SPRR4: variants seen among roughly 807,000 people sequenced by gnomAD.
The protein encoded by SPRR4 is small proline rich protein 4, also known as small proline-rich protein 4.
For synonymous variants in SPRR4, 30 were observed against 34.3 expected (o/e 0.87, Z 0.44); for missense variants, 106 against 91.6 (o/e 1.16, Z -0.64).
At chr1:152,971,709 A>G (rs1408539822) in intron 1 of SPRR4, among the ~76,000 whole-genome samples, 162 bp from the exon 2 acceptor site, 1 of 152,096 alleles carries the variant, frequency 6.6e-6, no homozygotes, top group Non-Finnish European at 1.5e-5. Flanking sequence ...TGTCTGCATT[A>G]TCAAAGGGAG....
Position 152,972,365 on chromosome 1 carries a change from C to A in SPRR4, c.*235C>A. The A allele has an allele frequency of 1.6e-6, 1 of 633,790 alleles. No homozygotes were observed. The highest frequency in any genetic ancestry group is 2.7e-6 in the Non-Finnish European group (1 of 368,106). The allele number at this position is 633,790 out of a possible 1,614,324, so 39.3% of individuals were successfully genotyped here. ...TCTCCCAGGTGGGTGTGAGAGAGACCTCATTCTCTGCAGGCTCCAGCGTGG... is the reference window on the plus strand; with the variant it reads ...TCTCCCAGGTGGGTGTGAGAGAGACATCATTCTCTGCAGGCTCCAGCGTGG... On this transcript the variant is annotated 3_prime_UTR_variant, in exon 2 of 2. Transcript: ENST00000328051.
In SPRR4 at chr1:152,971,019, A is replaced by G. The variant is rs1047782048; in HGVS notation, c.-21+325A>G. ...CCTGTTTAAAGGTTTCTCACACCCT[A>G]TTCTGCATTTTGCTTACCAGTAAGC... is the stretch of plus-strand genomic sequence containing the variant. On this transcript the variant is annotated intron_variant, in intron 1 of 1. Coordinates refer to ENST00000328051, the MANE Select transcript of SPRR4 (RefSeq NM_173080.3). 6.6e-5 allele frequency among the ~76,000 whole-genome samples: 10 copies of G among 152,206 alleles called. No individual in the cohort carries two copies. The East Asian group carries it at 1.9e-3, about 29-fold the overall frequency.
chr1:152,971,980 C>G lies in SPRR4; in HGVS notation c.90C>G (p.Pro30=), dbSNP rs1326477256. 5 of 1,613,894 alleles carry G rather than the reference C, an allele frequency of 3.1e-6. No homozygotes were observed. Among genetic ancestry groups the G allele is most frequent in the Non-Finnish European group, 4.2e-6 (5 of 1,180,010 alleles). Residue 30 remains proline, a synonymous_variant, in exon 2 of 2, where the codon CCC becomes CCG. Transcript: ENST00000328051. ...QQQVKQPCQP[P]PVKCQETCAP... ...AAGTGAAGCAGCCTTGTCAGCCACCCCCTGTTAAATGTCAAGAGACATGTG... is the reference window on the plus strand; with the variant it reads ...AAGTGAAGCAGCCTTGTCAGCCACCGCCTGTTAAATGTCAAGAGACATGTG...
At chr1:152,970,409 TC>T (rs1279545748), upstream of SPRR4, among the ~76,000 whole-genome samples, 3 of 152,220 alleles carry the variant, frequency 2.0e-5, no homozygotes, top group African/African-American at 4.8e-5. Flanking sequence ...AGATCTTGAA[TC>T]CCTGAGTTTG....
chr1:152,970,405 T>C (rs59237147), upstream of SPRR4, among the ~76,000 whole-genome samples: 6,231 of 152,316 alleles, frequency 0.041, 381 homozygotes, highest in African/African-American at 0.14. Context: ...TAAAAGATCT[T>C]GAATCCCTGA....
At chr1:152,971,790 T>G in intron 1 of SPRR4, 81 bp from the exon 2 acceptor site, 1 of 1,532,234 alleles carries the variant, frequency 6.5e-7, no homozygotes, top group Non-Finnish European at 8.8e-7. Flanking sequence ...TGGGCTACTT[T>G]TTAACCATCT....
Position 152,972,333 on chromosome 1 carries a change from C to A in SPRR4, c.*203C>A. On this transcript the variant is annotated 3_prime_UTR_variant, in exon 2 of 2. Coordinates refer to ENST00000328051, the MANE Select transcript of SPRR4 (RefSeq NM_173080.3). ...ACCTTGGCTTCTTCTATATCCCACC[C>A]CGATGCTCTCCCAGGTGGGTGTGAG... 1.2e-6 allele frequency: 1 copy of A among 800,042 alleles called. No individual in the cohort carries two copies. Among genetic ancestry groups the A allele is most frequent in the African/African-American group, 1.8e-5 (1 of 57,036 alleles). 49.6% of individuals were successfully genotyped at this position (800,042 alleles called of 1,614,324 possible). A position where few individuals can be genotyped will look rare whatever the true frequency, so the allele number is the denominator to read the frequency against.
Position 152,971,969 on chromosome 1 carries a change from T to C in SPRR4, c.79T>C (p.Cys27Arg). ...RAQQQQVKQP[C>R]QPPPVKCQET... ...CCAGCAGCAGCAAGTGAAGCAGCCTTGTCAGCCACCCCCTGTTAAATGTCA... is the reference window on the plus strand; with the variant it reads ...CCAGCAGCAGCAAGTGAAGCAGCCTCGTCAGCCACCCCCTGTTAAATGTCA... The change falls in exon 2 of 2, where the codon TGT (cysteine) becomes CGT (arginine). Residue 27 changes from cysteine (C) to arginine (R), a missense_variant. Cys to Arg is a radical substitution (Grantham distance 180). Transcript: ENST00000328051. 1 of 1,613,986 alleles carries C rather than the reference T, an allele frequency of 6.2e-7. No homozygotes were observed. The highest frequency in any genetic ancestry group is 8.5e-7 in the Non-Finnish European group (1 of 1,179,972).
intron 1 of SPRR4, among the ~76,000 whole-genome samples, chr1:152,971,571 C>T (rs951319417): frequency 1.9e-4 from 25 of 132,358 alleles, no homozygotes; most frequent in African/African-American, 7.2e-4. Context: ...TTCTCCAGCC[C>T]GATCTCTCAC....
chr1:152,971,729 A>G, intron 1 of SPRR4, 142 bp from the exon 2 acceptor site: 1 of 1,135,488 alleles, frequency 8.8e-7, no homozygotes, highest in South Asian at 1.5e-5. Context: ...GCCAGTTGAC[A>G]TTGTCCAGAT....
At position 152,971,614 on chromosome 1, in the gene SPRR4, T is replaced by A. The variant is rs777695239; in HGVS notation, c.-20-257T>A. On this transcript the variant is annotated intron_variant, in intron 1 of 1. Coordinates refer to ENST00000328051, the MANE Select transcript of SPRR4 (RefSeq NM_173080.3). ...CACACACACACACACACACACACACTCACACACACACCATGATGCTTACCT... is the reference window on the plus strand; with the variant it reads ...CACACACACACACACACACACACACACACACACACACCATGATGCTTACCT... Among the ~76,000 whole-genome samples the A allele has an allele frequency of 8.1e-3, 972 of 120,320 alleles. 5 individuals carry two copies. Among genetic ancestry groups the A allele is most frequent in the Admixed American group, 0.014 (170 of 12,426 alleles). 78.9% of individuals were successfully genotyped at this position (120,320 alleles called of 152,430 possible). A position where few individuals can be genotyped will look rare whatever the true frequency, so the allele number is the denominator to read the frequency against.
At position 152,972,199 on chromosome 1, in the gene SPRR4, C is replaced by A; in HGVS notation, c.*69C>A. The A allele has an allele frequency of 6.3e-7, 1 of 1,591,900 alleles. No individual in the cohort carries two copies. The highest frequency in any genetic ancestry group is 8.6e-7 in the Non-Finnish European group (1 of 1,167,920). On this transcript the variant is annotated 3_prime_UTR_variant, in exon 2 of 2. Coordinates refer to ENST00000328051, the MANE Select transcript of SPRR4 (RefSeq NM_173080.3). ...ATGGAACCTTCTCTTCTTCCTTCTC[C>A]TCTTCCCTCCAGCTCTTGAGCCTAC...
At position 152,972,171 on chromosome 1, in the gene SPRR4, C is replaced by A. The variant is rs1326416387; in HGVS notation, c.*41C>A. On this transcript the variant is annotated 3_prime_UTR_variant, in exon 2 of 2. Coordinates refer to ENST00000328051, the MANE Select transcript of SPRR4 (RefSeq NM_173080.3). ...TACCATCATCCACCATCCTGGCTAC[C>A]AGATGGAACCTTCTCTTCTTCCTTC... 6.2e-7 allele frequency: 1 copy of A among 1,611,480 alleles called. No individual in the cohort carries two copies. The highest frequency in any genetic ancestry group is 8.5e-7 in the Non-Finnish European group (1 of 1,178,350).
chr1:152,972,314 GCTT>G lies in SPRR4; in HGVS notation c.*190_*192del, dbSNP rs147690642. 1,040 of 1,002,194 alleles carry G rather than the reference GCTT, an allele frequency of 1.0e-3. 10 individuals carry two copies. In the East Asian group the frequency reaches 0.026, roughly 25 times the overall value. The allele number at this position is 1,002,194 out of a possible 1,614,324, so 62.1% of individuals were successfully genotyped here. On this transcript the variant is annotated 3_prime_UTR_variant, in exon 2 of 2. Coordinates refer to ENST00000328051, the MANE Select transcript of SPRR4 (RefSeq NM_173080.3). ...ACCCTTCCCCACACATACCACCTTG[GCTT>G]CTTCTATATCCCACCCCGATGCTCT...
At chr1:152,971,688 C>G (rs1651852755) in intron 1 of SPRR4, among the ~76,000 whole-genome samples, 183 bp from the exon 2 acceptor site, 1 of 152,028 alleles carries the variant, frequency 6.6e-6, no homozygotes, top group Non-Finnish European at 1.5e-5. Context: ...TACATCCTTG[C>G]CCATTCTCAT....
chr1:152,972,429 G>C lies in SPRR4; in HGVS notation c.*299G>C, dbSNP rs1651880951. ...CCATCCATTTCCCAAAGTGAGGAAA[G>C]TGTCTGGGCTTCTTCTGGGGTTCCA... On this transcript the variant is annotated 3_prime_UTR_variant, in exon 2 of 2. Coordinates refer to ENST00000328051, the MANE Select transcript of SPRR4 (RefSeq NM_173080.3). 2.4e-6 allele frequency: 1 copy of C among 419,500 alleles called. No homozygotes were observed. Among genetic ancestry groups the C allele is most frequent in the Non-Finnish European group, 4.5e-6 (1 of 221,170 alleles). 26.0% of individuals were successfully genotyped at this position (419,500 alleles called of 1,614,324 possible). A position where few individuals can be genotyped will look rare whatever the true frequency, so the allele number is the denominator to read the frequency against.
upstream of SPRR4, among the ~76,000 whole-genome samples, chr1:152,968,807 G>A (rs1651747909): frequency 6.6e-6 from 1 of 152,232 alleles, no homozygotes; most frequent in East Asian, 1.9e-4. Context: ...GGGACATGAG[G>A]GATGGAGCTG....
rs749064175 is a variant in SPRR4, at chr1:152,972,045, A to C, written c.155A>C (p.Lys52Thr). The change falls in exon 2 of 2, where the codon AAG becomes ACG. Residue 52 changes from lysine to threonine, a missense_variant. Transcript: ENST00000328051. ...GATCCATGTGCTCCCCAGGTCAAGAAGCAATGCCCACCGAAAGGCACCATC... is the reference window on the plus strand; with the variant it reads ...GATCCATGTGCTCCCCAGGTCAAGACGCAATGCCCACCGAAAGGCACCATC... ...TKDPCAPQVK[K>T]QCPPKGTIIP... 1.2e-6 allele frequency: 2 copies of C among 1,614,054 alleles called. No individual in the cohort carries two copies. The highest frequency in any genetic ancestry group is 2.2e-5 in the South Asian group (2 of 91,044).
chr1:152,972,249 C>A lies in SPRR4; in HGVS notation c.*119C>A. 6.9e-7 allele frequency: 1 copy of A among 1,444,652 alleles called. No homozygotes were observed. Among genetic ancestry groups the A allele is most frequent in the East Asian group, 2.5e-5 (1 of 40,692 alleles). The allele number at this position is 1,444,652 out of a possible 1,614,324, so 89.5% of individuals were successfully genotyped here. A position where few individuals can be genotyped will look rare whatever the true frequency, so the allele number is the denominator to read the frequency against. The stretch of plus-strand genomic sequence containing the variant: ...CCCTCCTCTCACATCTCCTCCTGCC[C>A]AAGATGTAAGGAAGCATTGTAAGGA... On this transcript the variant is annotated 3_prime_UTR_variant, in exon 2 of 2. Transcript: ENST00000328051.
Sources: gnomAD v4.1 joint callset for allele counts (sites outside exome capture counted in the v4.1 genomes callset) on GRCh38, gnomAD v4.1.1 for gene constraint, MANE v1.5 for transcripts, NCBI Gene and HGNC (gene_info 2026-07-23, HGNC 2026-07-21) for gene names.